The following GALNT18 variants were observed in gnomAD, a reference collection of about 807,000 sequenced individuals.
GALNT18 encodes the protein GalNAc-transferase 18.
Under a neutral mutation model 69.5 loss-of-function variants are expected in GALNT18, and 44 were observed. That is an observed-to-expected ratio of 0.63 (90% CI 0.50 to 0.81). The LOEUF (loss-of-function observed/expected upper bound fraction) is 0.81, where lower values mean the gene tolerates loss of function less well. Ranked by LOEUF, GALNT18 falls within the 40% of genes least tolerant of loss-of-function variation. GALNT18 has a pLI of 0.00. For synonymous variants in GALNT18, 364 were observed against 318.2 expected (o/e 1.14, Z -1.53); for missense variants, 715 against 810.0 (o/e 0.88, Z 1.42).
intron 2 of GALNT18, among the ~76,000 whole-genome samples, chr11:11,433,679 C>T (rs1051171666): frequency 3.3e-5 from 5 of 152,184 alleles, no homozygotes; most frequent in South Asian, 2.1e-4. Flanking sequence ...AGAGGCCAGA[C>T]GATGAAAAGT....
chr11:11,412,296 C>T (rs2133758767), intron 3 of GALNT18, among the ~76,000 whole-genome samples: 2 of 152,326 alleles, frequency 1.3e-5, no homozygotes, highest in South Asian at 4.1e-4. Context: ...TACTAGACCC[C>T]TACTAGAATT....
chr11:11,418,737 T>C (rs150162360), intron 3 of GALNT18, among the ~76,000 whole-genome samples: 275 of 152,318 alleles, frequency 1.8e-3, no homozygotes, highest in Middle Eastern at 3.4e-3. Flanking sequence ...CACTTGAGAA[T>C]GCACTCTGTG....
In GALNT18 at chr11:11,382,820, C is replaced by A. The variant is rs1477922126; in HGVS notation, c.596-3556G>T. On this transcript the variant is annotated intron_variant, in intron 3 of 10. Transcript: ENST00000227756. This position sits in a 1 kb window ranked among gnomAD's most constrained non-coding sequence, Gnocchi z 4.3. ...AATAAAGTGTCTTGGTGGGTTAGGA[C>A]AGTAGTATAATTGTGGAAGGAAAAG... Among the ~76,000 whole-genome samples, 4 of 151,736 alleles carry A rather than the reference C, an allele frequency of 2.6e-5. No individual in the cohort carries two copies. The highest frequency in any genetic ancestry group is 9.7e-5 in the African/African-American group (4 of 41,252).
At chr11:11,312,493 A>G (rs1849688470) in intron 9 of GALNT18, among the ~76,000 whole-genome samples, 1 of 152,184 alleles carries the variant, frequency 6.6e-6, no homozygotes, top group Non-Finnish European at 1.5e-5. Flanking sequence ...TGGTGGGTGG[A>G]GGGCATCTTT....
intron 3 of GALNT18, among the ~76,000 whole-genome samples, chr11:11,431,944 G>T (rs889138061): frequency 6.6e-6 from 1 of 152,188 alleles, no homozygotes; most frequent in African/African-American, 2.4e-5. Flanking sequence ...GGCATATGGG[G>T]GGGCAAAGAA....
rs1413157796 is a variant in GALNT18, at chr11:11,372,911, C to A, written c.978-282G>T. Among the ~76,000 whole-genome samples, 3 of 152,138 alleles carry A rather than the reference C, an allele frequency of 2.0e-5. No individual in the cohort carries two copies. The highest frequency in any genetic ancestry group is 7.2e-5 in the African/African-American group (3 of 41,430). On this transcript the variant is annotated intron_variant, in intron 5 of 10. Coordinates refer to ENST00000227756, the MANE Select transcript of GALNT18 (RefSeq NM_198516.3). This position sits in a 1 kb window ranked among gnomAD's most constrained non-coding sequence, Gnocchi z 4.9. ...GCTTTGAGAATTGGTGCTCAGCCTG[C>A]CAGTCTAGGTTGACTGTATCTCCCG...
At chr11:11,451,190 G>T (rs894584986) in intron 1 of GALNT18, among the ~76,000 whole-genome samples, 1 of 152,168 alleles carries the variant, frequency 6.6e-6, no homozygotes, top group African/African-American at 2.4e-5. Context: ...AGGCATGCTT[G>T]AAGGGTAGCA....
Position 11,463,654 on chromosome 11 carries a change from G to A in GALNT18, c.236-14718C>T, listed in dbSNP as rs1159084279. ...AGCTGTATTTCATCAGGGAGAAGTG[G>A]ATTTGTCCTTCGAAAAAACTGAACA... is the stretch of plus-strand genomic sequence containing the variant. On this transcript the variant is annotated intron_variant, in intron 1 of 10. Coordinates refer to ENST00000227756, the MANE Select transcript of GALNT18 (RefSeq NM_198516.3). This position sits in a 1 kb window ranked among gnomAD's most constrained non-coding sequence, Gnocchi z 4.2. Among the ~76,000 whole-genome samples, 1 of 152,164 alleles carries A rather than the reference G, an allele frequency of 6.6e-6. No individual in the cohort carries two copies. The highest frequency in any genetic ancestry group is 1.5e-5 in the Non-Finnish European group (1 of 68,038).
In GALNT18 at chr11:11,448,733, A is replaced by C; in HGVS notation, c.428+11T>G. The C allele has an allele frequency of 6.2e-7, 1 of 1,603,782 alleles. No individual in the cohort carries two copies. Among genetic ancestry groups the C allele is most frequent in the Non-Finnish European group, 8.5e-7 (1 of 1,174,344 alleles). Reference sequence around the variant, plus strand: ...CAGGTCGACAAGGGCCCAGTCACTGACTCTGCTCACCCACTGGGTCTGAGG... The same window carrying C: ...CAGGTCGACAAGGGCCCAGTCACTGCCTCTGCTCACCCACTGGGTCTGAGG... On this transcript the variant is annotated intron_variant, in intron 2 of 10. Transcript: ENST00000227756.
intron 1 of GALNT18, among the ~76,000 whole-genome samples, chr11:11,489,854 A>C (rs1420713117): frequency 6.6e-6 from 1 of 152,180 alleles, no homozygotes; most frequent in Non-Finnish European, 1.5e-5. Flanking sequence ...TATATTAAAC[A>C]ATCTGCTGAA....
rs1321813118 is a variant in GALNT18 at position 11,332,180 on chromosome 11, A to T, written c.1416+514T>A. ...TGCCCCCTCCATCTTTCTCCCTCCC[A>T]TCAGGGAGAACTTCTCTGTGCCCAT... On this transcript the variant is annotated intron_variant, in intron 8 of 10. Coordinates refer to ENST00000227756, the MANE Select transcript of GALNT18 (RefSeq NM_198516.3). The surrounding 1 kb of genome is among the most constrained non-coding windows in gnomAD (Gnocchi z 4.3). Among the ~76,000 whole-genome samples the T allele has an allele frequency of 6.6e-6, 1 of 152,022 alleles. No homozygotes were observed. Among genetic ancestry groups the T allele is most frequent in the Non-Finnish European group, 1.5e-5 (1 of 67,990 alleles).
At chr11:11,359,953 G>A (rs545887267) in intron 6 of GALNT18, among the ~76,000 whole-genome samples, 23 of 152,176 alleles carry the variant, frequency 1.5e-4, no homozygotes, top group Non-Finnish European at 1.2e-4. Flanking sequence ...CACAGGGATC[G>A]TACAACAATT....
At position 11,620,159 on chromosome 11, in the gene GALNT18, A is replaced by G. The variant is rs1257855351; in HGVS notation, c.235+1200T>C. Among the ~76,000 whole-genome samples, 2 of 151,720 alleles carry G rather than the reference A, an allele frequency of 1.3e-5. No homozygotes were observed. Among genetic ancestry groups the G allele is most frequent in the East Asian group, 3.9e-4 (2 of 5,142 alleles). On this transcript the variant is annotated intron_variant, in intron 1 of 10. Transcript: ENST00000227756. The surrounding 1 kb of genome is among the most constrained non-coding windows in gnomAD (Gnocchi z 6.9). ...GCGGGGGGGTGGGGGGTAAGCCTTC[A>G]GTTCAATTCGATTTTGCCAAGGTCT...
intron 1 of GALNT18, among the ~76,000 whole-genome samples, chr11:11,479,586 A>AG (rs1239244603): frequency 2.6e-5 from 3 of 116,986 alleles, no homozygotes; most frequent in Non-Finnish European, 5.8e-5. Context: ...ATACTATTTG[A>AG]GGTTTTTTAA....
At chr11:11,534,564 C>A (rs1590079238) in intron 1 of GALNT18, among the ~76,000 whole-genome samples, 1 of 152,320 alleles carries the variant, frequency 6.6e-6, no homozygotes, top group Non-Finnish European at 1.5e-5. Context: ...AATAGCTGAG[C>A]CAGAGCTACA....
intron 6 of GALNT18, among the ~76,000 whole-genome samples, chr11:11,364,933 T>C (rs1412240390): frequency 6.6e-6 from 1 of 150,974 alleles, no homozygotes; most frequent in Non-Finnish European, 1.5e-5. Context: ...AGGTAACAAC[T>C]GCAACGGGAT....
intron 2 of GALNT18, among the ~76,000 whole-genome samples, chr11:11,443,744 C>T (rs1286595291): frequency 2.6e-5 from 4 of 152,228 alleles, no homozygotes; most frequent in African/African-American, 9.6e-5. Context: ...CAAGGCCCCA[C>T]ATGGATGAGG....
At chr11:11,371,496 G>A (rs78428409) in intron 6 of GALNT18, among the ~76,000 whole-genome samples, 4,595 of 152,322 alleles carry the variant, frequency 0.03, 96 homozygotes, top group Middle Eastern at 0.096. Flanking sequence ...TGTGTGAATA[G>A]GCTGGCAGTG....
intron 10 of GALNT18, among the ~76,000 whole-genome samples, chr11:11,284,846 AG>A (rs1166153660): frequency 2.1e-5 from 3 of 146,098 alleles, no homozygotes; most frequent in African/African-American, 7.6e-5. Context: ...TTTTTGGTAG[AG>A]TTAAGTGGTC....
Sources: gnomAD v4.1 joint callset for allele counts (sites outside exome capture counted in the v4.1 genomes callset) on GRCh38, gnomAD v4.1.1 for gene constraint, Gnocchi (gnomAD v3.1) non-coding constraint, MANE v1.5 for transcripts, NCBI Gene and HGNC (gene_info 2026-07-23, HGNC 2026-07-21) for gene names.